Variants in USH2A observed in about 807,000 individuals in gnomAD.
USH2A encodes Usher syndrome 2A (autosomal recessive, mild).
In USH2A, 443 loss-of-function variants were observed where a neutral mutation model predicts 538.9. The observed-to-expected ratio is 0.82, with a 90% CI of 0.76 to 0.89. The LOEUF is 0.89. Among genes scored for constraint, USH2A ranks in the 40% least tolerant of loss-of-function variants. USH2A has a pLI of 0.00. For synonymous variants in USH2A, 2,413 were observed against 2,273.5 expected (o/e 1.06, Z -1.75); for missense variants, 6,633 against 6,324.8 (o/e 1.05, Z -1.65).
intron 61 of USH2A, among the ~76,000 whole-genome samples, chr1:215,722,574 C>T (rs1287324802): frequency 6.6e-6 from 1 of 152,056 alleles, no homozygotes; most frequent in African/African-American, 2.4e-5. Flanking sequence ...AGGAAACAAA[C>T]CCTTGAGGAA....
intron 56 of USH2A, among the ~76,000 whole-genome samples, chr1:215,764,651 A>C (rs992034003): frequency 6.6e-6 from 1 of 152,134 alleles, no homozygotes; most frequent in Non-Finnish European, 1.5e-5. Flanking sequence ...TTCCATGTCC[A>C]CTTAAAATAC....
intron 4 of USH2A, among the ~76,000 whole-genome samples, chr1:216,337,651 G>T (rs1387197631): frequency 1.3e-5 from 2 of 151,154 alleles, no homozygotes; most frequent in African/African-American, 4.8e-5. Context: ...TTTTTTCCAA[G>T]ATTGTTAAAG....
chr1:216,399,023 G>A (rs2039263874), intron 3 of USH2A, among the ~76,000 whole-genome samples: 2 of 152,138 alleles, frequency 1.3e-5, no homozygotes, highest in South Asian at 4.1e-4. Context: ...TACTAAGTTA[G>A]TGTCACCTCA....
At chr1:215,910,405 G>A (rs1168083554) in intron 38 of USH2A, among the ~76,000 whole-genome samples, 2 of 151,918 alleles carry the variant, frequency 1.3e-5, no homozygotes, top group Non-Finnish European at 2.9e-5. Context: ...GCTACTTACT[G>A]AGCAAGTACC....
intron 21 of USH2A, among the ~76,000 whole-genome samples, chr1:216,172,112 T>C (rs2034286327): frequency 6.6e-6 from 1 of 152,082 alleles, no homozygotes; most frequent in Non-Finnish European, 1.5e-5. Context: ...CATATATTCA[T>C]ATGCTTGAAT....
chr1:216,352,627 G>A (rs2038308649), intron 4 of USH2A, among the ~76,000 whole-genome samples: 1 of 151,808 alleles, frequency 6.6e-6, no homozygotes, highest in African/African-American at 2.4e-5. Context: ...AATGGGGGAG[G>A]GTCAAGAATA....
At chr1:216,078,798 T>C (rs1032880256) in intron 26 of USH2A, among the ~76,000 whole-genome samples, 2 of 152,062 alleles carry the variant, frequency 1.3e-5, no homozygotes, top group African/African-American at 2.4e-5. Flanking sequence ...GGCAAGACAA[T>C]AAGAAAATGA....
intron 4 of USH2A, among the ~76,000 whole-genome samples, chr1:216,340,798 C>G (rs114646368): frequency 1.3e-5 from 2 of 152,132 alleles, no homozygotes; most frequent in Non-Finnish European, 2.9e-5. Context: ...TTCAACACCC[C>G]TTCTTGTTAA....
chr1:216,392,364 G>T (rs1275312467), intron 3 of USH2A, among the ~76,000 whole-genome samples: 6 of 151,812 alleles, frequency 4.0e-5, no homozygotes, highest in African/African-American at 1.5e-4. Context: ...GCCGGGCATG[G>T]TGGCAGGCGC....
chr1:215,696,886 G>A (rs1028406154), intron 61 of USH2A, among the ~76,000 whole-genome samples: 8 of 152,066 alleles, frequency 5.3e-5, no homozygotes, highest in Admixed American at 2.6e-4. Flanking sequence ...TAAAATAAAT[G>A]GTAGCAGATC....
At chr1:216,075,551 C>T (rs780443865) in intron 27 of USH2A, among the ~76,000 whole-genome samples, 4 of 152,122 alleles carry the variant, frequency 2.6e-5, no homozygotes, top group Admixed American at 2.0e-4. Context: ...AAACATTAGC[C>T]CTTCCTCTAG....
intron 46 of USH2A, among the ~76,000 whole-genome samples, 195 bp downstream of exon 46, chr1:215,844,099 A>G (rs141799030): frequency 4.6e-5 from 7 of 152,302 alleles, no homozygotes; most frequent in African/African-American, 1.7e-4. Context: ...TATTATCATT[A>G]TCTTCTCTCC....
chr1:216,065,634 T>C (rs1193610607), intron 30 of USH2A, among the ~76,000 whole-genome samples: 64 of 152,274 alleles, frequency 4.2e-4, no homozygotes, highest in African/African-American at 1.5e-3. Flanking sequence ...CAGTGGCTCA[T>C]GCCTGTAATC....
rs147883884 is a variant in USH2A, at chr1:216,070,109, T to G, written c.6041A>C (p.Asn2014Thr). The G allele has an allele frequency of 4.5e-4, 721 of 1,613,936 alleles. 4 individuals carry two copies. The African/African-American group carries it at 9.1e-3, about 20-fold the overall frequency. The change falls in exon 30 of 72, where the codon AAC becomes ACC. Residue 2014 changes from asparagine to threonine, a missense_variant. Coordinates refer to ENST00000307340, the MANE Select transcript of USH2A (RefSeq NM_206933.4). The stretch of plus-strand genomic sequence containing the variant: ...TAAAGGATTGCATTTACCTGTGAGG[T>G]TGCTTGTATTGACAAATTCAGCACT... ...SASAEFVNTS[N>T]LTGILTGLLP... is the part of the protein sequence containing the mutation.
At chr1:216,130,563 T>C (rs1250447504) in intron 21 of USH2A, among the ~76,000 whole-genome samples, 1 of 144,018 alleles carries the variant, frequency 6.9e-6, no homozygotes, top group African/African-American at 2.5e-5. Flanking sequence ...ATATATATTA[T>C]ATATAATATA....
At chr1:215,630,000 C>T in intron 70 of USH2A, 1 of 457,824 alleles carries the variant, frequency 2.2e-6, no homozygotes, top group Admixed American at 2.3e-5. Context: ...TGGTCTCGAT[C>T]TCCTGACCTT....
intron 3 of USH2A, among the ~76,000 whole-genome samples, chr1:216,416,075 A>T (rs888363602): frequency 6.6e-6 from 1 of 152,076 alleles, no homozygotes; most frequent in Non-Finnish European, 1.5e-5. Context: ...CTGAGGCAGG[A>T]TAATCTCTTG....
At chr1:216,365,733 G>A (rs2038584110) in intron 3 of USH2A, among the ~76,000 whole-genome samples, 1 of 151,924 alleles carries the variant, frequency 6.6e-6, no homozygotes. Flanking sequence ...AAGTCAAATG[G>A]TTTGGTTTTA....
At chr1:216,027,621 G>T (rs1040454144) in intron 32 of USH2A, among the ~76,000 whole-genome samples, 5 of 152,102 alleles carry the variant, frequency 3.3e-5, no homozygotes, top group Non-Finnish European at 7.4e-5. Flanking sequence ...GGAAGAAATG[G>T]CCCCCTCTTT....
Sources: allele counts gnomAD v4.1 joint callset (sites outside exome capture counted in the v4.1 genomes callset), GRCh38; gene constraint gnomAD v4.1.1; transcripts MANE v1.5; gene names NCBI Gene and HGNC (gene_info 2026-07-23, HGNC 2026-07-21).